Variants in MRS2 observed in about 807,000 individuals in gnomAD.
MRS2 encodes the protein magnesium transporter MRS2 homolog, mitochondrial.
In MRS2, 40 loss-of-function variants were observed where a neutral mutation model predicts 52.6. That is an observed-to-expected ratio of 0.76 (90% CI 0.59 to 0.99). MRS2 has a LOEUF of 0.99. Among genes scored for constraint, MRS2 ranks in the 50% least tolerant of loss-of-function variants. The pLI is 0.00. For missense variants in MRS2, 472 were observed against 532.7 expected (o/e 0.89, Z 1.12); for synonymous variants, 193 against 195.9 (o/e 0.98, Z 0.13).
rs144354849 is a variant in MRS2, at chr6:24,419,801, C to T, written c.1107+1223C>T. Among the ~76,000 whole-genome samples, 3 of 151,716 alleles carry T rather than the reference C, an allele frequency of 2.0e-5. No individual in the cohort carries two copies. The South Asian group carries it at 6.2e-4, about 31-fold the overall frequency. On this transcript the variant is annotated intron_variant, in intron 9 of 10. Coordinates refer to ENST00000378386, the MANE Select transcript of MRS2 (RefSeq NM_020662.4). ...TACCAAAGTCTGTGGGTATTCAAGT[C>T]TCTGATATAAAATGACCCAGTACAG...
intron 9 of MRS2, among the ~76,000 whole-genome samples, chr6:24,420,006 T>C (rs1772253): frequency 0.29 from 43,735 of 152,158 alleles, 7,283 homozygotes; most frequent in Middle Eastern, 0.43. Flanking sequence ...TTAGGACCAC[T>C]ATGCCCTTTT....
chr6:24,412,461 C>T, intron 5 of MRS2, 66 bp downstream of exon 5: 2 of 1,308,280 alleles, frequency 1.5e-6, no homozygotes, highest in Non-Finnish European at 2.1e-6. Context: ...AGTGGGAAGA[C>T]AAGTTGGGGT....
At chr6:24,412,021 GA>G (rs1194403980) in intron 4 of MRS2, among the ~76,000 whole-genome samples, 200 bp from the exon 5 acceptor site, 1 of 146,146 alleles carries the variant, frequency 6.8e-6, no homozygotes, top group African/African-American at 2.5e-5. Flanking sequence ...TGATTTTTTT[GA>G]AAAACAAAAA....
At chr6:24,418,350 A>ATTT in intron 8 of MRS2, 111 bp from the exon 9 acceptor site, 1 of 1,246,770 alleles carries the variant, frequency 8.0e-7, no homozygotes. Context: ...CTACATTATT[A>ATTT]TTATTTTTTT....
intron 9 of MRS2, chr6:24,418,920 G>C (rs568103245): frequency 1.1e-5 from 2 of 175,106 alleles, no homozygotes; most frequent in South Asian, 2.5e-4. Flanking sequence ...ATTGGGTTTT[G>C]AAGATCGATA....
Position 24,416,466 on chromosome 6 carries a change from G to A in MRS2, c.789G>A (p.Glu263=). Residue 263 remains glutamate (E), a synonymous_variant, in exon 7 of 11, where the codon GAG becomes GAA. Transcript: ENST00000378386. The part of the protein sequence containing the change: ...ESILEILDEE[E]LLEELCVSKW... ...TTTTGGAGATCTTGGATGAGGAAGA[G>A]TTGCTAGAAGAGCTCTGTGTATCAA... 1 of 1,605,624 alleles carries A rather than the reference G, an allele frequency of 6.2e-7. No homozygotes were observed. Among genetic ancestry groups the A allele is most frequent in the South Asian group, 1.1e-5 (1 of 90,704 alleles).
chr6:24,403,632 T>G (rs998402765), intron 1 of MRS2, among the ~76,000 whole-genome samples: 2 of 152,222 alleles, frequency 1.3e-5, no homozygotes, highest in African/African-American at 4.8e-5. Context: ...TTGCCCAGGC[T>G]GGACTCAAAC....
At chr6:24,404,478 T>C (rs1296949980) in intron 1 of MRS2, among the ~76,000 whole-genome samples, 5 of 152,226 alleles carry the variant, frequency 3.3e-5, no homozygotes, top group South Asian at 2.1e-4. Flanking sequence ...GGTTTTTTTT[T>C]CTACAGTCTC....
Position 24,416,600 on chromosome 6 carries a change from G to GT in MRS2, c.836+88dup. On this transcript the variant is annotated intron_variant, in intron 7 of 10. Transcript: ENST00000378386. ...TTCAAGGTGATTTTTCATACAGAATGTAACATTTTTCTGGACTACAGAATA... is the reference window on the plus strand; with the variant it reads ...TTCAAGGTGATTTTTCATACAGAATGTTAACATTTTTCTGGACTACAGAATA... The GT allele has an allele frequency of 3.9e-6, 3 of 775,024 alleles. No homozygotes were observed. In the South Asian group the frequency reaches 4.6e-5, roughly 12 times the overall value. The allele number at this position is 775,024 out of a possible 1,614,324, so 48.0% of individuals were successfully genotyped here. A position where few individuals can be genotyped will look rare whatever the true frequency, so the allele number is the denominator to read the frequency against.
At chr6:24,409,416 A>G in intron 3 of MRS2, 45 bp from the exon 4 acceptor site, 2 of 1,222,374 alleles carry the variant, frequency 1.6e-6, no homozygotes, top group Non-Finnish European at 2.4e-6. Context: ...AATCTAAGCC[A>G]TTTAATGTAT....
intron 10 of MRS2, 97 bp from the exon 11 acceptor site, chr6:24,423,487 T>C (rs1762124631): frequency 3.2e-6 from 2 of 620,748 alleles, no homozygotes; most frequent in South Asian, 2.4e-5. Flanking sequence ...ATACTGCTTA[T>C]AGTCCTTTCT....
intron 4 of MRS2, chr6:24,410,706 C>T: frequency 1.3e-6 from 2 of 1,501,202 alleles, no homozygotes; most frequent in South Asian, 2.5e-5. Flanking sequence ...AAGCAGTCTT[C>T]TCCCATGTGA....
chr6:24,416,053 G>A (rs1761838103), intron 6 of MRS2, among the ~76,000 whole-genome samples: 1 of 152,146 alleles, frequency 6.6e-6, no homozygotes, highest in African/African-American at 2.4e-5. Context: ...CACCCAAGTA[G>A]CTGGGACTGC....
intron 9 of MRS2, among the ~76,000 whole-genome samples, chr6:24,420,228 TTCC>T (rs760093537): frequency 2.0e-5 from 3 of 152,172 alleles, no homozygotes; most frequent in Non-Finnish European, 4.4e-5. Context: ...GCTTAGTTAC[TTCC>T]TCCTCATCTT....
intron 2 of MRS2, among the ~76,000 whole-genome samples, chr6:24,406,273 G>A (rs1224181920): frequency 6.6e-6 from 1 of 151,972 alleles, no homozygotes; most frequent in Non-Finnish European, 1.5e-5. Flanking sequence ...ATTGTTATGA[G>A]GATTAAATTA....
intron 4 of MRS2, among the ~76,000 whole-genome samples, chr6:24,411,469 A>T (rs962951709): frequency 5.3e-5 from 8 of 152,170 alleles, no homozygotes; most frequent in Non-Finnish European, 8.8e-5. Context: ...ATTAAACTAA[A>T]TCTTTTCTAA....
rs369586217 is a variant in MRS2, at chr6:24,416,522, A to G, written c.836+9A>G. 4.4e-5 allele frequency: 57 copies of G among 1,285,008 alleles called. No individual in the cohort carries two copies. The highest frequency in any genetic ancestry group is 1.1e-4 in the South Asian group (9 of 80,132). The allele number at this position is 1,285,008 out of a possible 1,614,324, so 79.6% of individuals were successfully genotyped here. A position where few individuals can be genotyped will look rare whatever the true frequency, so the allele number is the denominator to read the frequency against. ...AGTGACCCACAAGTCTTGTAAGTAT[A>G]TAATTATACTTTGTTATTTATTTCC... On this transcript the variant is annotated intron_variant, in intron 7 of 10. Coordinates refer to ENST00000378386, the MANE Select transcript of MRS2 (RefSeq NM_020662.4).
At chr6:24,413,305 T>G (rs1761729151) in intron 5 of MRS2, among the ~76,000 whole-genome samples, 1 of 152,046 alleles carries the variant, frequency 6.6e-6, no homozygotes, top group Admixed American at 6.6e-5. Flanking sequence ...AGATTGGCTG[T>G]GGGGAGAATA....
intron 6 of MRS2, among the ~76,000 whole-genome samples, chr6:24,416,192 G>C (rs767422883): frequency 4.6e-5 from 7 of 151,806 alleles, no homozygotes; most frequent in Non-Finnish European, 1.0e-4. Context: ...TAAAGTGCTA[G>C]GATTACAGGC....
Sources: allele counts gnomAD v4.1 joint callset (sites outside exome capture counted in the v4.1 genomes callset), GRCh38; gene constraint gnomAD v4.1.1; transcripts MANE v1.5; gene names NCBI Gene and HGNC (gene_info 2026-07-23, HGNC 2026-07-21).